Variants in TPCN1 observed in about 807,000 individuals in gnomAD.
The protein encoded by TPCN1 is two pore segment channel 1.
In TPCN1, 52 loss-of-function variants were observed where a neutral mutation model predicts 108.8. That is an observed-to-expected ratio of 0.48 (90% CI 0.38 to 0.60). The LOEUF is 0.60. Among genes scored for constraint, TPCN1 ranks in the 20% least tolerant of loss-of-function variants. The pLI, the probability that TPCN1 is intolerant of heterozygous loss-of-function variation, is 0.00. For missense variants in TPCN1, 806 were observed against 1,072.8 expected (o/e 0.75, Z 3.47); for synonymous variants, 446 against 433.7 (o/e 1.03, Z -0.35).
intron 2 of TPCN1, 99 bp from the exon 3 acceptor site, chr12:113,260,269 G>T: frequency 7.5e-7 from 1 of 1,326,382 alleles, no homozygotes; most frequent in South Asian, 1.7e-5. Context: ...ATGTCCATGT[G>T]AGCATATGAA....
At chr12:113,226,333 T>G (rs1385825096) in intron 1 of TPCN1, among the ~76,000 whole-genome samples, 1 of 152,194 alleles carries the variant, frequency 6.6e-6, no homozygotes, top group Non-Finnish European at 1.5e-5. Context: ...TAAGCTGGAG[T>G]GCAGTGGCAT....
At chr12:113,224,656 A>C (rs972887237) in intron 1 of TPCN1, among the ~76,000 whole-genome samples, 1 of 152,178 alleles carries the variant, frequency 6.6e-6, no homozygotes, top group Non-Finnish European at 1.5e-5. Flanking sequence ...TCGGCCTCCC[A>C]AAGTGCTGGG....
rs1210943820 is a variant in TPCN1, at chr12:113,268,327, G to A, written c.528+371G>A. Reference sequence around the variant, plus strand: ...TATTCTCTCTGTGCCACAGAGAGTGGCATGAGTAAGAGCACGTCAAGGTGG... The same window carrying A: ...TATTCTCTCTGTGCCACAGAGAGTGACATGAGTAAGAGCACGTCAAGGTGG... On this transcript the variant is annotated intron_variant, in intron 5 of 27. Coordinates refer to ENST00000335509, the MANE Select transcript of TPCN1 (RefSeq NM_017901.6). The surrounding 1 kb of genome is among the most constrained non-coding windows in gnomAD (Gnocchi z 7.3). Among the ~76,000 whole-genome samples the A allele has an allele frequency of 6.6e-6, 1 of 152,230 alleles. No homozygotes were observed. The highest frequency in any genetic ancestry group is 2.4e-5 in the African/African-American group (1 of 41,458).
intron 2 of TPCN1, among the ~76,000 whole-genome samples, chr12:113,246,843 A>G (rs1445947313): frequency 6.6e-6 from 1 of 152,168 alleles, no homozygotes; most frequent in East Asian, 1.9e-4. Flanking sequence ...CACCAGTTGG[A>G]GAGGGCCAGC....
intron 1 of TPCN1, among the ~76,000 whole-genome samples, chr12:113,225,066 T>A (rs73192814): frequency 0.049 from 7,511 of 151,870 alleles, 263 homozygotes; most frequent in Middle Eastern, 0.066. Context: ...TTTTACTTTA[T>A]TTTTTAGAGA....
intron 1 of TPCN1, chr12:113,225,486 A>G (rs1161949530): frequency 3.9e-6 from 1 of 257,762 alleles, no homozygotes; most frequent in East Asian, 1.3e-4. Flanking sequence ...TTGTTCTTGC[A>G]GGGTTCCCTC....
At chr12:113,245,607 A>AGAGAG (rs1281471351) in intron 2 of TPCN1, among the ~76,000 whole-genome samples, 1 of 150,842 alleles carries the variant, frequency 6.6e-6, no homozygotes, top group Non-Finnish European at 1.5e-5. Flanking sequence ...TCTCAAAAAA[A>AGAGAG]AAAAAAAAAA....
intron 13 of TPCN1, 141 bp from the exon 14 acceptor site, chr12:113,278,631 T>C: frequency 1.5e-6 from 1 of 662,694 alleles, no homozygotes; most frequent in Non-Finnish European, 2.7e-6. Context: ...TGGCTGGCTG[T>C]GTTGTCATGT....
chr12:113,252,504 C>A (rs1444607038), intron 2 of TPCN1, among the ~76,000 whole-genome samples: 1 of 152,198 alleles, frequency 6.6e-6, no homozygotes. Flanking sequence ...TTCACGGCAG[C>A]CGCTCACATA....
rs933261445 is a variant in TPCN1, at chr12:113,266,678, T to C, written c.414+322T>C. Among the ~76,000 whole-genome samples, 17 of 152,084 alleles carry C rather than the reference T, an allele frequency of 1.1e-4. No homozygotes were observed. Among genetic ancestry groups the C allele is most frequent in the African/African-American group, 3.9e-4 (16 of 41,430 alleles). ...CCCAGTGGACAGTCCCACTACTCTG[T>C]CTCCAGCCTCAAAGGAGAAGGCAGT... is the stretch of plus-strand genomic sequence containing the variant. On this transcript the variant is annotated intron_variant, in intron 4 of 27. Transcript: ENST00000335509. The surrounding 1 kb of genome is among the most constrained non-coding windows in gnomAD (Gnocchi z 4.2).
At chr12:113,281,000 A>G (rs923013429) in intron 15 of TPCN1, among the ~76,000 whole-genome samples, 57 of 152,172 alleles carry the variant, frequency 3.7e-4, no homozygotes, top group African/African-American at 1.3e-3. Flanking sequence ...TTTTAAGATT[A>G]AGAATCTAGA....
intron 2 of TPCN1, among the ~76,000 whole-genome samples, chr12:113,255,601 C>T (rs1954803168): frequency 6.6e-6 from 1 of 151,776 alleles, no homozygotes; most frequent in African/African-American, 2.4e-5. Flanking sequence ...TCTCAGCTCA[C>T]CGCAACCTCC....
At chr12:113,250,788 C>T (rs2136527486) in intron 2 of TPCN1, among the ~76,000 whole-genome samples, 1 of 152,064 alleles carries the variant, frequency 6.6e-6, no homozygotes, top group Non-Finnish European at 1.5e-5. Flanking sequence ...AACCCCGTCT[C>T]TTCCAAAAAA....
Position 113,272,026 on chromosome 12 carries a change from C to G in TPCN1, c.749-632C>G, listed in dbSNP as rs1232314188. ...GAGCCAGGGCCAACCCCTCCCGGCC[C>G]TCGTGACTGCCTTGTCCTGAGTCAT... On this transcript the variant is annotated intron_variant, in intron 7 of 27. Transcript: ENST00000335509. This position sits in a 1 kb window ranked among gnomAD's most constrained non-coding sequence, Gnocchi z 4.1. Among the ~76,000 whole-genome samples the G allele has an allele frequency of 6.6e-6, 1 of 152,246 alleles. No homozygotes were observed. Among genetic ancestry groups the G allele is most frequent in the African/African-American group, 2.4e-5 (1 of 41,462 alleles).
At chr12:113,293,768 AG>A (rs888742736) in intron 27 of TPCN1, among the ~76,000 whole-genome samples, 4 of 152,186 alleles carry the variant, frequency 2.6e-5, no homozygotes, top group Non-Finnish European at 5.9e-5. Flanking sequence ...GCCTGTCCAA[AG>A]GGGACACAGC....
At chr12:113,222,034 T>C (rs534514678) in intron 1 of TPCN1, among the ~76,000 whole-genome samples, 1 of 152,268 alleles carries the variant, frequency 6.6e-6, no homozygotes, top group Non-Finnish European at 1.5e-5. Context: ...CTAGGCCCTT[T>C]CCCCAGCGCT....
intron 27 of TPCN1, among the ~76,000 whole-genome samples, chr12:113,295,217 C>A (rs1956386304): frequency 6.6e-6 from 1 of 152,142 alleles, no homozygotes. Flanking sequence ...CCTCAGTTTC[C>A]CCCTCTGTAA....
intron 4 of TPCN1, among the ~76,000 whole-genome samples, chr12:113,267,365 G>T (rs555194952): frequency 6.6e-6 from 1 of 151,796 alleles, no homozygotes; most frequent in Admixed American, 6.6e-5. Context: ...CTTAGAACAA[G>T]ACTAGATATT....
intron 3 of TPCN1, among the ~76,000 whole-genome samples, chr12:113,262,758 C>A (rs1955091425): frequency 6.6e-6 from 1 of 152,142 alleles, no homozygotes; most frequent in Non-Finnish European, 1.5e-5. Context: ...TAAGGGGGCA[C>A]CTGCTAATCT....
Sources: gnomAD v4.1 joint callset for allele counts (sites outside exome capture counted in the v4.1 genomes callset) on GRCh38, gnomAD v4.1.1 for gene constraint, Gnocchi (gnomAD v3.1) non-coding constraint, MANE v1.5 for transcripts, NCBI Gene and HGNC (gene_info 2026-07-23, HGNC 2026-07-21) for gene names.